The following MEGF11 variants were observed in gnomAD, a reference collection of about 807,000 sequenced individuals.
MEGF11 encodes the protein multiple epidermal growth factor-like domains protein 11.
In MEGF11, 126 loss-of-function variants were observed where a neutral mutation model predicts 146.6. That is an observed-to-expected ratio of 0.86 (90% CI 0.74 to 1.00). The LOEUF (loss-of-function observed/expected upper bound fraction) is 1.00. Ranked by LOEUF, MEGF11 falls within the 50% of genes least tolerant of loss-of-function variation. The probability of loss-of-function intolerance (pLI) is 0.00; values close to 1 mark genes in which losing one functional copy is unlikely to be tolerated. For missense variants in MEGF11, 1,509 were observed against 1,521.2 expected (o/e 0.99, Z 0.13); for synonymous variants, 532 against 583.4 (o/e 0.91, Z 1.27).
At chr15:65,969,257 T>C (rs539725478) in intron 8 of MEGF11, among the ~76,000 whole-genome samples, 3 of 152,306 alleles carry the variant, frequency 2.0e-5, no homozygotes, top group Admixed American at 2.0e-4. Context: ...AGCGGGCGGT[T>C]TGCACTCTCA....
chr15:66,130,791 G>A (rs759750396), intron 1 of MEGF11, among the ~76,000 whole-genome samples: 5 of 143,128 alleles, frequency 3.5e-5, no homozygotes, highest in African/African-American at 1.0e-4. Flanking sequence ...TCACTCAGGC[G>A]CAGTGAAGAA....
At chr15:65,990,720 A>G (rs536288679) in intron 5 of MEGF11, among the ~76,000 whole-genome samples, 7,236 of 149,820 alleles carry the variant, frequency 0.048, 276 homozygotes, top group Non-Finnish European at 0.069. Flanking sequence ...AGGAAGAAAG[A>G]AAGAAAGAAA....
chr15:65,967,055 G>A (rs1415680189), intron 8 of MEGF11: 1 of 152,198 alleles, frequency 6.6e-6, no homozygotes, highest in Non-Finnish European at 1.5e-5. Flanking sequence ...CAACAGTGCG[G>A]ATAATGGAGA....
intron 11 of MEGF11, 47 bp from the exon 12 acceptor site, chr15:65,929,930 T>C: frequency 6.5e-7 from 1 of 1,545,318 alleles, no homozygotes. Flanking sequence ...AGGCCCAGTG[T>C]GTCTTTTTTG....
chr15:66,213,613 C>T (rs2091514882), intron 1 of MEGF11, among the ~76,000 whole-genome samples: 1 of 150,590 alleles, frequency 6.6e-6, no homozygotes, highest in African/African-American at 2.5e-5. Context: ...AAGGGGGTCT[C>T]GCCATGTCGC....
intron 21 of MEGF11, among the ~76,000 whole-genome samples, chr15:65,910,761 G>T (rs1181718715): frequency 6.6e-6 from 1 of 152,192 alleles, no homozygotes; most frequent in Non-Finnish European, 1.5e-5. Flanking sequence ...GACAGACAGG[G>T]AAGAAAGGAC....
chr15:66,068,382 T>G (rs562198100), intron 5 of MEGF11, among the ~76,000 whole-genome samples: 1 of 152,350 alleles, frequency 6.6e-6, no homozygotes, highest in South Asian at 2.1e-4. Context: ...GCAGCAACCC[T>G]GGCTACGACC....
At chr15:65,980,950 A>G in intron 6 of MEGF11, 52 bp from the exon 7 acceptor site, 1 of 1,497,738 alleles carries the variant, frequency 6.7e-7, no homozygotes, top group Admixed American at 2.4e-5. Flanking sequence ...ATCAGGTGGC[A>G]GGGCCCCAGT....
At chr15:65,950,082 C>T (rs1233001550) in intron 10 of MEGF11, among the ~76,000 whole-genome samples, 1 of 152,184 alleles carries the variant, frequency 6.6e-6, no homozygotes, top group Non-Finnish European at 1.5e-5. Flanking sequence ...CAGGCCAGGA[C>T]CAGTCATCCT....
At chr15:66,048,111 A>G (rs2084292669) in intron 5 of MEGF11, among the ~76,000 whole-genome samples, 1 of 152,088 alleles carries the variant, frequency 6.6e-6, no homozygotes, top group African/African-American at 2.4e-5. Flanking sequence ...ACGCCCAGCT[A>G]ATTTTTGTAT....
At chr15:66,066,182 A>C (rs1214420772) in intron 5 of MEGF11, among the ~76,000 whole-genome samples, 3 of 152,148 alleles carry the variant, frequency 2.0e-5, no homozygotes, top group Non-Finnish European at 4.4e-5. Flanking sequence ...CTCAGGAACA[A>C]GATCATGAGC....
intron 1 of MEGF11, among the ~76,000 whole-genome samples, chr15:66,156,910 AC>A (rs1344955482): frequency 1.3e-5 from 2 of 151,526 alleles, no homozygotes; most frequent in East Asian, 3.9e-4. Flanking sequence ...CTAAACCCCA[AC>A]CTGTCCCTTC....
rs564254519 is a variant in MEGF11 at position 66,135,786 on chromosome 15, C to T, written c.-8-7375G>A. ...GCTCAGAGAGCCATACTTCCCCTGC[C>T]CTTGGGTCTTTCCTATTGAATTCAA... is the stretch of plus-strand genomic sequence containing the variant. On this transcript the variant is annotated intron_variant, in intron 1 of 25. Coordinates refer to ENST00000395614, the MANE Select transcript of MEGF11 (RefSeq NM_001385028.1). 1.1e-4 allele frequency among the ~76,000 whole-genome samples: 16 copies of T among 152,334 alleles called. No homozygotes were observed. In the South Asian group the frequency reaches 2.9e-3, roughly 28 times the overall value.
At chr15:66,186,766 G>T (rs2090717351) in intron 1 of MEGF11, among the ~76,000 whole-genome samples, 1 of 152,212 alleles carries the variant, frequency 6.6e-6, no homozygotes, top group Admixed American at 6.5e-5. Context: ...GTCTAGACAG[G>T]TTTTCTCTCT....
intron 5 of MEGF11, among the ~76,000 whole-genome samples, chr15:66,087,509 A>G (rs1350689389): frequency 6.6e-6 from 1 of 152,232 alleles, no homozygotes; most frequent in African/African-American, 2.4e-5. Flanking sequence ...CTGGAAATCA[A>G]CTCCAAAAGG....
intron 19 of MEGF11, 91 bp downstream of exon 19, chr15:65,915,379 T>C: frequency 6.7e-7 from 1 of 1,484,890 alleles, no homozygotes; most frequent in Non-Finnish European, 9.1e-7. Context: ...AAGGGAAGTA[T>C]CATCAAATCC....
chr15:66,016,932 C>A (rs1469953489), intron 5 of MEGF11, among the ~76,000 whole-genome samples: 1 of 152,162 alleles, frequency 6.6e-6, no homozygotes, highest in East Asian at 1.9e-4. Context: ...TCCTCTGATA[C>A]CTCCATGAGG....
intron 1 of MEGF11, among the ~76,000 whole-genome samples, chr15:66,154,511 A>G (rs1280880928): frequency 1.3e-5 from 2 of 152,264 alleles, no homozygotes; most frequent in African/African-American, 4.8e-5. Context: ...TAAATAATCC[A>G]GGGATTTAAC....
chr15:66,131,987 T>C (rs1413592080), intron 1 of MEGF11, among the ~76,000 whole-genome samples: 2 of 152,200 alleles, frequency 1.3e-5, no homozygotes, highest in Non-Finnish European at 1.5e-5. Context: ...ACTTGTCTAT[T>C]CTAACACTCA....
Sources: allele counts gnomAD v4.1 joint callset (sites outside exome capture counted in the v4.1 genomes callset), GRCh38; gene constraint gnomAD v4.1.1; transcripts MANE v1.5; gene names NCBI Gene and HGNC (gene_info 2026-07-23, HGNC 2026-07-21).